SDK1: variants seen among roughly 807,000 people sequenced by gnomAD.
SDK1 encodes sidekick cell adhesion molecule 1.
Under a neutral mutation model 245.5 loss-of-function variants are expected in SDK1, and 157 were observed. That is an observed-to-expected ratio of 0.64 (90% confidence interval 0.56 to 0.73). The LOEUF is 0.73. Ranked by LOEUF, SDK1 falls within the 30% of genes least tolerant of loss-of-function variation. The probability of loss-of-function intolerance (pLI) is 0.00; values close to 1 mark genes in which losing one functional copy is unlikely to be tolerated. For missense variants in SDK1, 3,583 were observed against 3,002.3 expected, an observed-to-expected ratio of 1.19 and a Z score of -4.52; for synonymous variants, 1,647 against 1,278.5, an observed-to-expected ratio of 1.29 and a Z score of -6.15.
In SDK1 at chr7:3,969,346, C is replaced by A. The variant is rs1374476175; in HGVS notation, c.1636C>A (p.Gln546Lys). The A allele has an allele frequency of 4.3e-6, 7 of 1,611,168 alleles. No individual in the cohort carries two copies. In the Admixed American group the frequency reaches 6.7e-5, roughly 15 times the overall value. Residue 546 changes from glutamine (Q) to lysine (K), a missense_variant, in exon 11 of 45, where the codon CAG becomes AAG. Gln to Lys is a moderately conservative substitution (Grantham distance 53). Coordinates refer to ENST00000404826, the MANE Select transcript of SDK1 (RefSeq NM_152744.4). ...GGLQIAPVFIQDAGNYTCYAA... is the reference protein window; with the variant it reads ...GGLQIAPVFIKDAGNYTCYAA... ...TCTACAGATCGCGCCCGTCTTCATC[C>A]AGGATGCCGGCAACTACACCTGCTA...
chr7:3,605,033 T>C (rs963075442), intron 1 of SDK1, among the ~76,000 whole-genome samples: 2 of 152,128 alleles, frequency 1.3e-5, no homozygotes, highest in Admixed American at 6.6e-5. Flanking sequence ...GGCCAGAGGA[T>C]ACACTCTGTA....
chr7:4,124,249 C>T (rs1041459929), intron 25 of SDK1, among the ~76,000 whole-genome samples: 3 of 152,186 alleles, frequency 2.0e-5, no homozygotes, highest in Non-Finnish European at 4.4e-5. Context: ...AACGGGGTGG[C>T]TTAAATGACA....
chr7:3,565,742 A>T (rs1779893107), intron 1 of SDK1, among the ~76,000 whole-genome samples: 1 of 152,238 alleles, frequency 6.6e-6, no homozygotes, highest in Non-Finnish European at 1.5e-5. Flanking sequence ...ACATCTAGGT[A>T]ACTTATACAA....
intron 35 of SDK1, chr7:4,179,112 G>T (rs569320915): frequency 6.5e-6 from 1 of 153,242 alleles, no homozygotes; most frequent in South Asian, 2.1e-4. Context: ...GGGAAGCAAC[G>T]TCTATTTTTA....
chr7:3,921,370 T>C (rs747051388), intron 5 of SDK1, among the ~76,000 whole-genome samples: 2 of 152,244 alleles, frequency 1.3e-5, no homozygotes, highest in Non-Finnish European at 2.9e-5. Flanking sequence ...GTCTCCATCA[T>C]TGGACATTTA....
chr7:3,537,244 C>T (rs567563255), intron 1 of SDK1, among the ~76,000 whole-genome samples: 2 of 152,290 alleles, frequency 1.3e-5, no homozygotes, highest in African/African-American at 4.8e-5. Context: ...TCTGACTATC[C>T]CATTATCCAT....
chr7:3,499,937 A>T (rs768867721), intron 1 of SDK1, among the ~76,000 whole-genome samples: 5 of 152,154 alleles, frequency 3.3e-5, no homozygotes, highest in African/African-American at 4.8e-5. Context: ...GGTGAAAGGA[A>T]TGTCCTCAGC....
intron 5 of SDK1, among the ~76,000 whole-genome samples, chr7:3,912,528 A>T (rs1779210001): frequency 6.6e-6 from 1 of 152,168 alleles, no homozygotes; most frequent in Non-Finnish European, 1.5e-5. Flanking sequence ...TTATCCGGGG[A>T]AGAGGTACTG....
chr7:4,175,517 G>A (rs1053832578), intron 33 of SDK1, among the ~76,000 whole-genome samples: 1 of 152,226 alleles, frequency 6.6e-6, no homozygotes, highest in African/African-American at 2.4e-5. Flanking sequence ...ATGTTTCACT[G>A]AATCAGAGTG....
At chr7:3,847,288 C>T (rs922784801) in intron 5 of SDK1, among the ~76,000 whole-genome samples, 1 of 152,236 alleles carries the variant, frequency 6.6e-6, no homozygotes, top group Non-Finnish European at 1.5e-5. Context: ...AGACCAGTTC[C>T]TCTGTCACTA....
At position 4,003,179 on chromosome 7, in the gene SDK1, C is replaced by T. The variant is rs544359179; in HGVS notation, c.2132-7787C>T. Among the ~76,000 whole-genome samples the T allele has an allele frequency of 6.6e-5, 10 of 152,396 alleles. No homozygotes were observed. The South Asian group carries it at 2.1e-3, about 32-fold the overall frequency. Reference sequence around the variant, plus strand: ...CGCATGTGGACACATACACACAGATCTGCTCTTCTCATGCAAAACACATGA... The same window carrying T: ...CGCATGTGGACACATACACACAGATTTGCTCTTCTCATGCAAAACACATGA... On this transcript the variant is annotated intron_variant, in intron 14 of 44. Coordinates refer to ENST00000404826, the MANE Select transcript of SDK1 (RefSeq NM_152744.4).
At chr7:3,481,888 G>T (rs910655662) in intron 1 of SDK1, among the ~76,000 whole-genome samples, 6 of 152,086 alleles carry the variant, frequency 3.9e-5, no homozygotes, top group Non-Finnish European at 8.8e-5. Context: ...TTTCTGCCAG[G>T]ACTCTGACTG....
intron 22 of SDK1, among the ~76,000 whole-genome samples, chr7:4,088,114 C>T (rs928358249): frequency 5.3e-5 from 8 of 152,188 alleles, no homozygotes; most frequent in African/African-American, 1.9e-4. Flanking sequence ...ACAGCCAAGC[C>T]ATGAAGCCGG....
At chr7:4,028,712 C>G (rs1787556062) in intron 17 of SDK1, among the ~76,000 whole-genome samples, 1 of 152,232 alleles carries the variant, frequency 6.6e-6, no homozygotes, top group African/African-American at 2.4e-5. Context: ...ACACTGACTT[C>G]CAGTCAAGTA....
rs749991713 is a variant in SDK1, at chr7:4,065,694, G to GTTTTTTT, written c.2912-2115_2912-2109dup. Among the ~76,000 whole-genome samples the GTTTTTTT allele has an allele frequency of 3.1e-3, 207 of 66,640 alleles. 8 individuals carry two copies. Among genetic ancestry groups the GTTTTTTT allele is most frequent in the Non-Finnish European group, 4.1e-3 (112 of 27,142 alleles). The allele number at this position is 66,640 out of a possible 152,430, so 43.7% of individuals were successfully genotyped here. On this transcript the variant is annotated intron_variant, in intron 19 of 44. Coordinates refer to ENST00000404826, the MANE Select transcript of SDK1 (RefSeq NM_152744.4). ...AGTTTCACCCAGATGAGTGGTTGTT[G>GTTTTTTT]TTTTTTTTTTTTTTTTTTTTTTTTT...
At chr7:3,397,763 T>G (rs961841824) in intron 1 of SDK1, among the ~76,000 whole-genome samples, 3 of 152,100 alleles carry the variant, frequency 2.0e-5, no homozygotes, top group African/African-American at 7.2e-5. Context: ...TTTGCGGTTT[T>G]TAAAAATTTG....
rs1484241224 is a variant in SDK1, at chr7:3,619,125, T to C, written c.344T>C (p.Ile115Thr). 4 of 1,613,392 alleles carry C rather than the reference T, an allele frequency of 2.5e-6. No individual in the cohort carries two copies. The South Asian group carries it at 4.4e-5, about 18-fold the overall frequency. Residue 115 changes from isoleucine to threonine, a missense_variant, in exon 2 of 45, where the codon ATC (isoleucine) becomes ACC (threonine). Coordinates refer to ENST00000404826, the MANE Select transcript of SDK1 (RefSeq NM_152744.4). ...AAAACGGAGCCAGGCCTACCACAGATCCACCTGGAAGGGAACCGCCTTGTT... is the reference window on the plus strand; with the variant it reads ...AAAACGGAGCCAGGCCTACCACAGACCCACCTGGAAGGGAACCGCCTTGTT... ...YFKTEPGLPQ[I>T]HLEGNRLVLT...
chr7:4,219,817 C>T (rs1785038039), intron 38 of SDK1, among the ~76,000 whole-genome samples: 2 of 147,490 alleles, frequency 1.4e-5, no homozygotes, highest in Admixed American at 1.4e-4. Context: ...CCCCGCTCCT[C>T]CCTCCCCTCC....
intron 4 of SDK1, among the ~76,000 whole-genome samples, chr7:3,816,423 G>C (rs1012665184): frequency 6.7e-6 from 1 of 148,380 alleles, no homozygotes; most frequent in African/African-American, 2.6e-5. Context: ...TATCACCACC[G>C]ATCCCACAGA....
Sources: gnomAD v4.1 joint callset for allele counts (sites outside exome capture counted in the v4.1 genomes callset) on GRCh38, gnomAD v4.1.1 for gene constraint, MANE v1.5 for transcripts, NCBI Gene and HGNC (gene_info 2026-07-23, HGNC 2026-07-21) for gene names.